Variants in HCN2 observed in about 807,000 individuals in gnomAD.
HCN2 encodes the protein potassium/sodium hyperpolarization-activated cyclic nucleotide-gated channel 2.
A neutral mutation model predicts 52.3 loss-of-function variants in HCN2; 20 were observed. The ratio of observed to expected loss-of-function variants is 0.38; its 90% CI spans 0.27 to 0.56. The LOEUF is 0.56. Ranked by LOEUF, HCN2 falls within the 20% of genes least tolerant of loss-of-function variation. The pLI is 0.71. For missense variants in HCN2, 981 were observed against 1,207.7 expected, an observed-to-expected ratio of 0.81 and a Z score of 2.78; for synonymous variants, 694 against 537.0, an observed-to-expected ratio of 1.29 and a Z score of -4.04.
Position 590,075 on chromosome 19 carries a change from CCCCCGGG to C in HCN2, c.141_147del (p.Gly48ArgfsTer212). 6 of 607,706 alleles carry C rather than the reference CCCCCGGG, an allele frequency of 9.9e-6. No homozygotes were observed. The highest frequency in any genetic ancestry group is 4.2e-5 in the African/African-American group (2 of 47,314). 37.6% of individuals were successfully genotyped at this position (607,706 alleles called of 1,614,324 possible). Reference sequence around the variant, plus strand: ...GCCGCCGCCGCCGCCGCCCGCGCCCCCCCCGGGCCCCGGGCCCGCGCCCCCCCAGCAC... The same window carrying C: ...GCCGCCGCCGCCGCCGCCCGCGCCCCCCCCGGGCCCGCGCCCCCCCAGCAC... On this transcript the variant is annotated frameshift_variant, in exon 1 of 8. Transcript: ENST00000251287. LOFTEE classifies it high-confidence loss of function. This position sits in a 1 kb window ranked among gnomAD's most constrained non-coding sequence, Gnocchi z 7.2.
intron 3 of HCN2, 91 bp downstream of exon 3, chr19:605,313 A>G: frequency 2.6e-6 from 3 of 1,165,168 alleles, no homozygotes; most frequent in South Asian, 1.5e-5. Flanking sequence ...CAGAGGGTTG[A>G]ACCCAAGCCT....
intron 5 of HCN2, among the ~76,000 whole-genome samples, chr19:612,970 G>A (rs1241907001): frequency 1.3e-5 from 2 of 151,858 alleles, no homozygotes; most frequent in Non-Finnish European, 2.9e-5. Flanking sequence ...GTGAGCCCCC[G>A]CACCCGGCCT....
intron 1 of HCN2, among the ~76,000 whole-genome samples, chr19:601,538 C>T (rs540269406): frequency 3.3e-4 from 49 of 150,202 alleles, no homozygotes; most frequent in African/African-American, 1.2e-3. Flanking sequence ...GGTCGTCGTC[C>T]GCAGTCGAGC....
chr19:611,415 G>A (rs778368386), intron 5 of HCN2, among the ~76,000 whole-genome samples: 30 of 152,274 alleles, frequency 2.0e-4, no homozygotes, highest in East Asian at 7.7e-4. Flanking sequence ...GGGTGTCCCC[G>A]GTGTAGCACC....
intron 3 of HCN2, 62 bp downstream of exon 3, chr19:605,284 G>T: frequency 1.3e-6 from 2 of 1,545,770 alleles, no homozygotes; most frequent in Non-Finnish European, 1.8e-6. Flanking sequence ...GGGGGACCCA[G>T]GCCCCCTTAT....
At chr19:609,110 C>T (rs1486196332) in intron 4 of HCN2, among the ~76,000 whole-genome samples, 1 of 152,202 alleles carries the variant, frequency 6.6e-6, no homozygotes, top group African/African-American at 2.4e-5. Flanking sequence ...GGGCCCCGTG[C>T]CAGGCGCCCT....
At chr19:612,324 C>T (rs958882502) in intron 5 of HCN2, among the ~76,000 whole-genome samples, 10 of 152,032 alleles carry the variant, frequency 6.6e-5, no homozygotes, top group Non-Finnish European at 1.3e-4. Context: ...GATTCATCTC[C>T]AGACCCTTGG....
At chr19:608,976 T>C (rs1239357040) in intron 4 of HCN2, among the ~76,000 whole-genome samples, 3 of 152,180 alleles carry the variant, frequency 2.0e-5, no homozygotes, top group Non-Finnish European at 4.4e-5. Flanking sequence ...TGGCAGCCCC[T>C]GGAGTTGGGC....
chr19:600,723 C>T (rs757774172), intron 1 of HCN2, among the ~76,000 whole-genome samples: 3 of 152,150 alleles, frequency 2.0e-5, no homozygotes, highest in South Asian at 2.1e-4. Context: ...TCAAGTGATC[C>T]GCCTGCCTTG....
At chr19:598,752 C>T (rs997151864) in intron 1 of HCN2, among the ~76,000 whole-genome samples, 1 of 152,226 alleles carries the variant, frequency 6.6e-6, no homozygotes, top group Non-Finnish European at 1.5e-5. Context: ...CAGGCGCCCG[C>T]CACCTCACAC....
At chr19:598,337 C>CA (rs1983100459) in intron 1 of HCN2, among the ~76,000 whole-genome samples, 1 of 151,772 alleles carries the variant, frequency 6.6e-6, no homozygotes, top group Non-Finnish European at 1.5e-5. Flanking sequence ...GACAGAGTCT[C>CA]ACTCTGTCAC....
chr19:609,305 C>T (rs865906292), intron 4 of HCN2, among the ~76,000 whole-genome samples: 21 of 152,216 alleles, frequency 1.4e-4, no homozygotes, highest in Non-Finnish European at 1.3e-4. Context: ...CCAGCACCCA[C>T]GCTCCCTTCC....
intron 1 of HCN2, among the ~76,000 whole-genome samples, chr19:599,645 G>A (rs1983139881): frequency 1.3e-5 from 2 of 151,876 alleles, no homozygotes; most frequent in Admixed American, 1.3e-4. Flanking sequence ...AAAATTATCT[G>A]GGCGTGGTGG....
chr19:610,565 G>C (rs889514499), intron 5 of HCN2, among the ~76,000 whole-genome samples, 160 bp downstream of exon 5: 1 of 152,030 alleles, frequency 6.6e-6, no homozygotes, highest in Non-Finnish European at 1.5e-5. Flanking sequence ...TCCCCGCCCC[G>C]TGAGCCTCTG....
chr19:599,446 G>A (rs1008701709), intron 1 of HCN2, among the ~76,000 whole-genome samples: 2 of 152,116 alleles, frequency 1.3e-5, no homozygotes, highest in Admixed American at 6.6e-5. Context: ...TGGGGACCCC[G>A]GCCATGATAG....
At position 591,902 on chromosome 19, in the gene HCN2, C is replaced by A. The variant is rs996532191; in HGVS notation, c.632+1325C>A. Among the ~76,000 whole-genome samples the A allele has an allele frequency of 2.6e-5, 4 of 152,178 alleles. No individual in the cohort carries two copies. The highest frequency in any genetic ancestry group is 4.4e-5 in the Non-Finnish European group (3 of 68,016). On this transcript the variant is annotated intron_variant, in intron 1 of 7. Transcript: ENST00000251287. This position sits in a 1 kb window ranked among gnomAD's most constrained non-coding sequence, Gnocchi z 4.1. ...CCTGGACAGAGCCTGGAGGAAGGCC[C>A]TGGAATCCTCCTCCCACCCCAGGCC...
rs183265848 is a variant in HCN2 at position 600,967 on chromosome 19, C to T, written c.633-2577C>T. Among the ~76,000 whole-genome samples the T allele has an allele frequency of 3.0e-3, 450 of 152,286 alleles. 6 individuals are homozygous for T. The highest frequency in any genetic ancestry group is 0.028 in the Admixed American group (423 of 15,280). On this transcript the variant is annotated intron_variant, in intron 1 of 7. Coordinates refer to ENST00000251287, the MANE Select transcript of HCN2 (RefSeq NM_001194.4). ...CCCCTCCAACCCCCGGCCCCCGGCACCCATGCATCCCCTTCCTGTCTCTGG... is the reference window on the plus strand; with the variant it reads ...CCCCTCCAACCCCCGGCCCCCGGCATCCATGCATCCCCTTCCTGTCTCTGG...
intron 6 of HCN2, 84 bp downstream of exon 6, chr19:613,572 CGG>C (rs1190396987): frequency 1.3e-5 from 4 of 299,476 alleles, no homozygotes; most frequent in East Asian, 1.0e-4. Context: ...GGGCCGGGGC[CGG>C]GGCCGGGGAT....
At chr19:612,342 G>T (rs1013008487) in intron 5 of HCN2, among the ~76,000 whole-genome samples, 11 of 151,658 alleles carry the variant, frequency 7.3e-5, no homozygotes, top group Non-Finnish European at 1.6e-4. Flanking sequence ...TGGTTTTCAT[G>T]TTGATTTTTC....
Sources: gnomAD v4.1 joint callset for allele counts (sites outside exome capture counted in the v4.1 genomes callset) on GRCh38, gnomAD v4.1.1 for gene constraint, Gnocchi (gnomAD v3.1) non-coding constraint, MANE v1.5 for transcripts, NCBI Gene and HGNC (gene_info 2026-07-23, HGNC 2026-07-21) for gene names.